Variants in EHBP1 observed in about 807,000 individuals in gnomAD.
The protein encoded by EHBP1 is EH domain-binding protein 1.
A neutral mutation model predicts 144.0 loss-of-function variants in EHBP1; 55 were observed. The ratio of observed to expected loss-of-function variants is 0.38; its 90% CI spans 0.31 to 0.48. EHBP1 has a LOEUF of 0.48. Among genes scored for constraint, EHBP1 ranks in the 20% least tolerant of loss-of-function variants. The probability of loss-of-function intolerance (pLI) is 0.98; values close to 1 mark genes in which losing one functional copy is unlikely to be tolerated. For synonymous variants in EHBP1, 469 were observed against 472.7 expected (o/e 0.99, Z 0.10); for missense variants, 1,200 against 1,364.2 (o/e 0.88, Z 1.90).
At chr2:62,716,542 C>A (rs2035697695) in intron 2 of EHBP1, among the ~76,000 whole-genome samples, 2 of 152,094 alleles carry the variant, frequency 1.3e-5, no homozygotes, top group Non-Finnish European at 2.9e-5. Flanking sequence ...GTTTTTTTCT[C>A]AGTGAATAAT....
intron 5 of EHBP1, among the ~76,000 whole-genome samples, chr2:62,789,745 A>G (rs1023992959): frequency 6.6e-6 from 1 of 152,172 alleles, no homozygotes; most frequent in Non-Finnish European, 1.5e-5. Context: ...GGTGCCTTTC[A>G]GCACACACAA....
At chr2:62,943,692 TG>T (rs2056906133) in intron 11 of EHBP1, 109 bp from the exon 12 acceptor site, 2 of 554,688 alleles carry the variant, frequency 3.6e-6, no homozygotes, top group Non-Finnish European at 6.1e-6. Context: ...GTGAAATTGC[TG>T]GTTACTCTTT....
At chr2:62,776,065 G>C (rs1173831757) in intron 5 of EHBP1, among the ~76,000 whole-genome samples, 1 of 152,106 alleles carries the variant, frequency 6.6e-6, no homozygotes, top group East Asian at 1.9e-4. Flanking sequence ...AAGTTATTTG[G>C]GTTAATTATT....
chr2:62,749,307 A>G (rs1364305918), intron 3 of EHBP1, among the ~76,000 whole-genome samples: 1 of 152,198 alleles, frequency 6.6e-6, no homozygotes, highest in East Asian at 1.9e-4. Context: ...CCTTCAAAGG[A>G]CATGAACTCA....
At chr2:62,965,325 C>G (rs1033712370) in intron 14 of EHBP1, among the ~76,000 whole-genome samples, 2 of 152,186 alleles carry the variant, frequency 1.3e-5, no homozygotes, top group Non-Finnish European at 2.9e-5. Context: ...ATTTTCCTCT[C>G]TCTTCATTAA....
At chr2:62,832,957 CT>C (rs1370133290) in intron 7 of EHBP1, among the ~76,000 whole-genome samples, 2 of 152,164 alleles carry the variant, frequency 1.3e-5, no homozygotes, top group African/African-American at 4.8e-5. Flanking sequence ...ATGCAGAGGC[CT>C]CTTGTGCCAA....
At chr2:62,742,940 C>A (rs2038850913) in intron 2 of EHBP1, among the ~76,000 whole-genome samples, 1 of 152,002 alleles carries the variant, frequency 6.6e-6, no homozygotes, top group African/African-American at 2.4e-5. Flanking sequence ...TTTAATAGCT[C>A]ACTCCCCACA....
At chr2:62,726,443 T>G (rs1348987368) in intron 2 of EHBP1, among the ~76,000 whole-genome samples, 1 of 152,248 alleles carries the variant, frequency 6.6e-6, no homozygotes, top group Non-Finnish European at 1.5e-5. Flanking sequence ...CTTCTGTGTC[T>G]TCCCTCTTTC....
At chr2:62,946,729 A>G (rs2057092918) in intron 12 of EHBP1, among the ~76,000 whole-genome samples, 1 of 152,196 alleles carries the variant, frequency 6.6e-6, no homozygotes, top group Admixed American at 6.5e-5. Context: ...TAGTTAGTTG[A>G]CCATGGCAGA....
intron 14 of EHBP1, among the ~76,000 whole-genome samples, chr2:62,975,518 A>G (rs1280210001): frequency 6.6e-6 from 1 of 152,120 alleles, no homozygotes; most frequent in East Asian, 1.9e-4. Context: ...ATTACAGTTG[A>G]TGATCCTTGC....
At chr2:62,747,548 G>GT in intron 3 of EHBP1, 96 bp downstream of exon 3, 2 of 965,810 alleles carry the variant, frequency 2.1e-6, no homozygotes, top group Non-Finnish European at 1.5e-6. Flanking sequence ...ATTACTTGAT[G>GT]TTTTGTTTTT....
intron 3 of EHBP1, among the ~76,000 whole-genome samples, chr2:62,761,014 A>G (rs1420097412): frequency 6.6e-6 from 1 of 152,174 alleles, no homozygotes; most frequent in Non-Finnish European, 1.5e-5. Flanking sequence ...CAACTATGAA[A>G]ATTTAATTGT....
intron 10 of EHBP1, among the ~76,000 whole-genome samples, chr2:62,882,601 G>C (rs1224458349): frequency 6.6e-6 from 1 of 152,192 alleles, no homozygotes; most frequent in Non-Finnish European, 1.5e-5. Context: ...AAAGGAAATG[G>C]GCCGGGTGCG....
intron 15 of EHBP1, among the ~76,000 whole-genome samples, chr2:62,988,231 T>G (rs2059278629): frequency 6.6e-6 from 1 of 152,156 alleles, no homozygotes; most frequent in East Asian, 1.9e-4. Flanking sequence ...AAATTAGCAA[T>G]AACATTGGAA....
intron 5 of EHBP1, among the ~76,000 whole-genome samples, chr2:62,810,065 T>C (rs942496111): frequency 1.3e-5 from 2 of 152,218 alleles, no homozygotes; most frequent in African/African-American, 4.8e-5. Context: ...ATGTTAAGTT[T>C]AAAAAATTAG....
At chr2:62,971,981 A>G (rs186804938) in intron 14 of EHBP1, among the ~76,000 whole-genome samples, 2 of 152,358 alleles carry the variant, frequency 1.3e-5, no homozygotes, top group Admixed American at 1.3e-4. Flanking sequence ...AACTACTTCA[A>G]TTTATTTAAG....
chr2:62,785,679 T>G (rs1457625413), intron 5 of EHBP1, among the ~76,000 whole-genome samples: 3 of 152,166 alleles, frequency 2.0e-5, no homozygotes, highest in African/African-American at 7.2e-5. Context: ...TTTTTCTTAT[T>G]AAAATATATA....
At position 63,045,098 on chromosome 2, in the gene EHBP1, G is replaced by T. The variant is rs1216052104; in HGVS notation, c.3310G>T (p.Glu1104Ter). 2 of 1,583,030 alleles carry T rather than the reference G, an allele frequency of 1.3e-6. No homozygotes were observed. The highest frequency in any genetic ancestry group is 1.3e-5 in the African/African-American group (1 of 74,412). ...WQKTEAQKRR[E>*]QLLLDELVAL... ...GAAGACCGAGGCCCAGAAGCGACGC[G>T]AACAGCTTCTGCTAGATGAGCTGGT... is the stretch of plus-strand genomic sequence containing the variant. Residue 1104 changes from glutamate to a stop codon, truncating the protein, a stop_gained, in exon 22 of 23, where the codon GAA (glutamate) becomes TAA (stop). Transcript: ENST00000431489. LOFTEE classifies it high-confidence loss of function. This position sits in a 1 kb window ranked among gnomAD's most constrained non-coding sequence, Gnocchi z 5.7.
At chr2:62,886,913 G>T (rs1444331535) in intron 10 of EHBP1, among the ~76,000 whole-genome samples, 2 of 152,058 alleles carry the variant, frequency 1.3e-5, no homozygotes, top group Non-Finnish European at 2.9e-5. Flanking sequence ...TTAATAAAAT[G>T]AGTCTCTGTT....
Sources: gnomAD v4.1 joint callset for allele counts (sites outside exome capture counted in the v4.1 genomes callset) on GRCh38, gnomAD v4.1.1 for gene constraint, Gnocchi (gnomAD v3.1) non-coding constraint, MANE v1.5 for transcripts, NCBI Gene and HGNC (gene_info 2026-07-23, HGNC 2026-07-21) for gene names.